PROCR: variants seen among roughly 807,000 people sequenced by gnomAD.
PROCR encodes the protein endothelial protein C receptor.
In PROCR, 22 loss-of-function variants were observed where a neutral mutation model predicts 24.2. The ratio of observed to expected loss-of-function variants is 0.91; its 90% CI spans 0.65 to 1.30. The LOEUF is 1.30. Ranked by LOEUF, PROCR falls within the 50% of genes most tolerant of loss-of-function variation. PROCR has a pLI of 0.00. For synonymous variants in PROCR, 137 were observed against 139.2 expected (o/e 0.98, Z 0.11); for missense variants, 288 against 307.7 (o/e 0.94, Z 0.48).
intron 1 of PROCR, among the ~76,000 whole-genome samples, chr20:35,197,437 C>T (rs979738414): frequency 8.5e-5 from 13 of 152,146 alleles, no homozygotes; most frequent in African/African-American, 2.7e-4. Context: ...TCACCTTTCT[C>T]CCTCTTCTTG....
At chr20:35,205,752 A>AATATATATATATATATATATATAT (rs200029202) in intron 1 of PROCR, among the ~76,000 whole-genome samples, 9 of 102,670 alleles carry the variant, frequency 8.8e-5, no homozygotes, top group South Asian at 3.3e-4. Context: ...ACTCTGTCTA[A>AATATATATATATATATATATATAT]ATATATATAT....
intron 1 of PROCR, among the ~76,000 whole-genome samples, chr20:35,185,775 T>C (rs1441938991): frequency 6.6e-6 from 1 of 152,118 alleles, no homozygotes; most frequent in African/African-American, 2.4e-5. Context: ...ACTACAAATA[T>C]GGTGCATTGT....
chr20:35,205,255 A>G (rs1568600421), intron 1 of PROCR, among the ~76,000 whole-genome samples: 1 of 146,866 alleles, frequency 6.8e-6, no homozygotes, highest in Admixed American at 7.2e-5. Context: ...CTTGGGGGAC[A>G]GAGCAAGACT....
intron 1 of PROCR, among the ~76,000 whole-genome samples, chr20:35,189,089 G>A (rs1201944165): frequency 6.6e-6 from 1 of 152,104 alleles, no homozygotes; most frequent in African/African-American, 2.4e-5. Flanking sequence ...AAAAGAACAG[G>A]ATAACAGCGA....
intron 1 of PROCR, among the ~76,000 whole-genome samples, chr20:35,207,533 T>TTTTG (rs1368441424): frequency 6.6e-6 from 1 of 151,794 alleles, no homozygotes; most frequent in Non-Finnish European, 1.5e-5. Context: ...GACTGTTTTG[T>TTTTG]TTTGTTTTTT....
intron 1 of PROCR, among the ~76,000 whole-genome samples, chr20:35,198,644 G>A (rs955245367): frequency 1.3e-5 from 2 of 152,108 alleles, no homozygotes; most frequent in Non-Finnish European, 2.9e-5. Flanking sequence ...CACTGATGAA[G>A]GTGGCTACAC....
intron 1 of PROCR, among the ~76,000 whole-genome samples, chr20:35,204,966 T>A (rs781414073): frequency 6.6e-5 from 10 of 152,130 alleles, no homozygotes; most frequent in Admixed American, 2.6e-4. Context: ...CCAGGTAATT[T>A]AATGCTGGTG....
At chr20:35,193,917 C>A (rs1016018382) in intron 1 of PROCR, among the ~76,000 whole-genome samples, 3 of 152,118 alleles carry the variant, frequency 2.0e-5, no homozygotes, top group African/African-American at 7.2e-5. Flanking sequence ...AAGTACTAAA[C>A]CCTGAGGACG....
At chr20:35,197,590 G>A (rs376427732) in intron 1 of PROCR, among the ~76,000 whole-genome samples, 16 of 151,040 alleles carry the variant, frequency 1.1e-4, no homozygotes, top group African/African-American at 2.9e-4. Context: ...TTGGGAGGCC[G>A]AGGTGGGCGG....
chr20:35,213,319 C>A (rs1419992833), intron 1 of PROCR, among the ~76,000 whole-genome samples: 1 of 150,800 alleles, frequency 6.6e-6, no homozygotes, highest in East Asian at 1.9e-4. Flanking sequence ...GGTAACGGAG[C>A]GAGACTGTCT....
At chr20:35,185,436 G>A (rs926404614) in intron 1 of PROCR, among the ~76,000 whole-genome samples, 1 of 152,098 alleles carries the variant, frequency 6.6e-6, no homozygotes, top group Non-Finnish European at 1.5e-5. Flanking sequence ...ACTTGCACAC[G>A]CAAGTTTATA....
At chr20:35,198,661 A>G (rs555977316) in intron 1 of PROCR, among the ~76,000 whole-genome samples, 1 of 152,304 alleles carries the variant, frequency 6.6e-6, no homozygotes, top group East Asian at 1.9e-4. Context: ...ACACTAAACA[A>G]CACATTTTCC....
intron 1 of PROCR, among the ~76,000 whole-genome samples, chr20:35,208,648 C>T (rs757097328): frequency 1.3e-5 from 2 of 152,176 alleles, no homozygotes; most frequent in Admixed American, 1.3e-4. Flanking sequence ...GGAAAGACTA[C>T]GACACTATAA....
chr20:35,198,966 A>T (rs1482578867), intron 1 of PROCR, among the ~76,000 whole-genome samples: 2 of 152,084 alleles, frequency 1.3e-5, no homozygotes, highest in Non-Finnish European at 2.9e-5. Context: ...TGCCCGCCTC[A>T]TCCTCCCAAA....
intron 1 of PROCR, among the ~76,000 whole-genome samples, chr20:35,185,418 A>G (rs2086116146): frequency 6.6e-6 from 1 of 152,234 alleles, no homozygotes; most frequent in African/African-American, 2.4e-5. Context: ...TCATTATTCA[A>G]AAAAGATACT....
At chr20:35,205,932 A>G (rs1254864906) in intron 1 of PROCR, among the ~76,000 whole-genome samples, 2 of 149,446 alleles carry the variant, frequency 1.3e-5, no homozygotes, top group South Asian at 2.1e-4. Flanking sequence ...CGGCCTCCCA[A>G]AGTGCTGGGA....
intron 1 of PROCR, among the ~76,000 whole-genome samples, chr20:35,211,198 C>A (rs535728858): frequency 6.6e-6 from 1 of 152,302 alleles, no homozygotes; most frequent in East Asian, 1.9e-4. Context: ...TTGCATACCC[C>A]ATTTGAAAAC....
At chr20:35,206,036 T>C (rs1373871322) in intron 1 of PROCR, among the ~76,000 whole-genome samples, 3 of 150,788 alleles carry the variant, frequency 2.0e-5, no homozygotes, top group African/African-American at 7.3e-5. Flanking sequence ...TAAAAAATTT[T>C]ATTTTATTTT....
At chr20:35,172,353 A>G in intron 1 of PROCR, 129 bp downstream of exon 1, 1 of 1,176,838 alleles carries the variant, frequency 8.5e-7, no homozygotes, top group Non-Finnish European at 1.3e-6. Context: ...ATCTCTCTAC[A>G]GGGCAGGCAG....
Sources: allele counts gnomAD v4.1 joint callset (sites outside exome capture counted in the v4.1 genomes callset), GRCh38; gene constraint gnomAD v4.1.1; transcripts MANE v1.5; gene names NCBI Gene and HGNC (gene_info 2026-07-23, HGNC 2026-07-21).